The following DLGAP3 variants were observed in gnomAD, a reference collection of about 807,000 sequenced individuals.
DLGAP3 encodes the protein DLG associated protein 3, also known as disks large-associated protein 3.
In DLGAP3, 17 loss-of-function variants were observed where a neutral mutation model predicts 81.2. The ratio of observed to expected loss-of-function variants is 0.21; its 90% CI spans 0.14 to 0.31. DLGAP3 has a LOEUF of 0.31. Ranked by LOEUF, DLGAP3 falls within the 10% of genes least tolerant of loss-of-function variation. The pLI is 1.00. For synonymous variants in DLGAP3, 577 were observed against 587.4 expected, an observed-to-expected ratio of 0.98 and a Z score of 0.26; for missense variants, 1,124 against 1,388.0, an observed-to-expected ratio of 0.81 and a Z score of 3.02.
chr1:34,915,375 G>A (rs1355727576), intron 1 of DLGAP3, among the ~76,000 whole-genome samples: 1 of 152,152 alleles, frequency 6.6e-6, no homozygotes, highest in Non-Finnish European at 1.5e-5. Flanking sequence ...CTCTACACCT[G>A]AGCCTGCCAG....
intron 2 of DLGAP3, among the ~76,000 whole-genome samples, chr1:34,906,016 T>TTTTA (rs60469155): frequency 0.38 from 24,932 of 64,826 alleles, 5,352 homozygotes; most frequent in Non-Finnish European, 0.44. Flanking sequence ...GCCTCTAAAT[T>TTTTA]TATATATATA....
chr1:34,895,913 C>T lies in DLGAP3; in HGVS notation c.1386+3756G>A, dbSNP rs983182400. ...AAAGCTGGACCCCTAACTTGAATCA[C>T]ACATACACACACACACACACACACA... On this transcript the variant is annotated intron_variant, in intron 5 of 11. Transcript: ENST00000373347. This position sits in a 1 kb window ranked among gnomAD's most constrained non-coding sequence, Gnocchi z 4.5. Among the ~76,000 whole-genome samples, 3 of 127,114 alleles carry T rather than the reference C, an allele frequency of 2.4e-5. No individual in the cohort carries two copies. In the Admixed American group the frequency reaches 2.5e-4, roughly 11 times the overall value. 83.4% of individuals were successfully genotyped at this position (127,114 alleles called of 152,430 possible).
chr1:34,890,528 T>C (rs1639295699), intron 5 of DLGAP3, among the ~76,000 whole-genome samples: 2 of 152,252 alleles, frequency 1.3e-5, no homozygotes, highest in Admixed American at 6.5e-5. Flanking sequence ...AAACAGACTG[T>C]GGCTTCCATC....
At chr1:34,880,594 G>T (rs1398507084) in intron 8 of DLGAP3, among the ~76,000 whole-genome samples, 2 of 151,970 alleles carry the variant, frequency 1.3e-5, no homozygotes, top group African/African-American at 4.8e-5. Context: ...AGCCGGGCAT[G>T]GTGGCAGATG....
At chr1:34,890,410 AC>A (rs1639294323) in intron 5 of DLGAP3, among the ~76,000 whole-genome samples, 1 of 152,150 alleles carries the variant, frequency 6.6e-6, no homozygotes, top group Non-Finnish European at 1.5e-5. Context: ...TGGAACTCAC[AC>A]CCTTGTGTAA....
chr1:34,885,944 T>C, intron 6 of DLGAP3, 128 bp downstream of exon 6: 1 of 1,174,626 alleles, frequency 8.5e-7, no homozygotes, highest in Non-Finnish European at 1.2e-6. Flanking sequence ...ACGGACGCTC[T>C]CCCCGTCATC....
chr1:34,907,167 T>G (rs151219113), intron 2 of DLGAP3, among the ~76,000 whole-genome samples, 188 bp downstream of exon 2: 35 of 152,280 alleles, frequency 2.3e-4, no homozygotes, highest in Admixed American at 4.6e-4. Flanking sequence ...TACCTGATAT[T>G]CTCTAATCTT....
chr1:34,909,043 A>T (rs1413463256), intron 1 of DLGAP3, among the ~76,000 whole-genome samples: 1 of 152,222 alleles, frequency 6.6e-6, no homozygotes. Flanking sequence ...GGCAGGACCC[A>T]TATCTGAGAC....
Position 34,866,301 on chromosome 1 carries a change from C to A in DLGAP3, c.2722G>T (p.Glu908Ter). 6.6e-7 allele frequency: 1 copy of A among 1,520,018 alleles called. No homozygotes were observed. Among genetic ancestry groups the A allele is most frequent in the East Asian group, 2.5e-5 (1 of 40,454 alleles). The allele number at this position is 1,520,018 out of a possible 1,614,324, so 94.2% of individuals were successfully genotyped here. A position where few individuals can be genotyped will look rare whatever the true frequency, so the allele number is the denominator to read the frequency against. The change falls in exon 12 of 12, where the codon GAG (glutamate) becomes TAG (stop). Residue 908 changes from glutamate (E) to a stop codon, truncating the protein, a stop_gained and splice_region_variant. Transcript: ENST00000373347. LOFTEE classifies it high-confidence loss of function. The stretch of plus-strand genomic sequence containing the variant: ...ATCGGCGGAGGGACCTTCTTCTCCT[C>A]CTGCGGGGCAGAGGGCGTCGCTGAG... ...ANSWKLLEPK[E>*]EKKVPPPIPK...
chr1:34,867,654 G>A lies in DLGAP3; in HGVS notation c.2486-27C>T, dbSNP rs57077677. The stretch of plus-strand genomic sequence containing the variant: ...TAGAAAGCAGAAGGAAATTCAGGGA[G>A]GGAAATGATGCATCTCCTTCCCCAG... On this transcript the variant is annotated intron_variant, in intron 9 of 11. Transcript: ENST00000373347. The surrounding 1 kb of genome is among the most constrained non-coding windows in gnomAD (Gnocchi z 4.3). The A allele has an allele frequency of 2.6e-6, 4 of 1,552,920 alleles. No homozygotes were observed. The highest frequency in any genetic ancestry group is 3.3e-5 in the Admixed American group (2 of 59,914).
intron 8 of DLGAP3, among the ~76,000 whole-genome samples, chr1:34,870,368 C>G (rs763023154): frequency 4.2e-4 from 64 of 152,124 alleles, no homozygotes; most frequent in Non-Finnish European, 8.8e-4. Flanking sequence ...AAAGAAAAGC[C>G]TGTGTGTCCT....
chr1:34,894,993 A>G (rs1399408752), intron 5 of DLGAP3, among the ~76,000 whole-genome samples: 3 of 152,234 alleles, frequency 2.0e-5, no homozygotes, highest in Non-Finnish European at 4.4e-5. Context: ...TCATTATTCC[A>G]TATTGTATTC....
intron 5 of DLGAP3, among the ~76,000 whole-genome samples, chr1:34,890,039 T>G (rs1353364411): frequency 6.6e-6 from 1 of 152,086 alleles, no homozygotes; most frequent in East Asian, 1.9e-4. Context: ...AAATGTAGAC[T>G]AGAATAAAAA....
intron 8 of DLGAP3, among the ~76,000 whole-genome samples, chr1:34,879,730 T>C (rs1016493968): frequency 3.3e-5 from 5 of 152,058 alleles, no homozygotes; most frequent in African/African-American, 1.2e-4. Context: ...AAAAGGAAAT[T>C]ACGACAAAAG....
rs1221643580 is a variant in DLGAP3, at chr1:34,902,534, T to C, written c.1107+1743A>G. ...CTGGCCTCATGGGGCCAGCCTCCCCTGCTTTTGTACCAGGGGAGTGCGAGG... is the reference window on the plus strand; with the variant it reads ...CTGGCCTCATGGGGCCAGCCTCCCCCGCTTTTGTACCAGGGGAGTGCGAGG... On this transcript the variant is annotated intron_variant, in intron 3 of 11. Transcript: ENST00000373347. This position sits in a 1 kb window ranked among gnomAD's most constrained non-coding sequence, Gnocchi z 4.4. Among the ~76,000 whole-genome samples, 1 of 152,086 alleles carries C rather than the reference T, an allele frequency of 6.6e-6. No homozygotes were observed. Among genetic ancestry groups the C allele is most frequent in the Non-Finnish European group, 1.5e-5 (1 of 68,002 alleles).
intron 1 of DLGAP3, among the ~76,000 whole-genome samples, chr1:34,913,461 A>T (rs1259630287): frequency 6.6e-6 from 1 of 152,178 alleles, no homozygotes; most frequent in East Asian, 1.9e-4. Context: ...CGGAAGAGAC[A>T]GAGAGGCCTA....
At position 34,885,653 on chromosome 1, in the gene DLGAP3, C is replaced by T. The variant is rs773856088; in HGVS notation, c.1739G>A (p.Ser580Asn). 1.4e-5 allele frequency: 20 copies of T among 1,439,026 alleles called. No homozygotes were observed. The highest frequency in any genetic ancestry group is 1.8e-5 in the Non-Finnish European group (20 of 1,104,560). The allele number at this position is 1,439,026 out of a possible 1,614,324, so 89.1% of individuals were successfully genotyped here. A position where few individuals can be genotyped will look rare whatever the true frequency, so the allele number is the denominator to read the frequency against. The change falls in exon 7 of 12, where the codon AGC (serine) becomes AAC (asparagine). Residue 580 changes from serine to asparagine, a missense_variant. Ser to Asn is a conservative substitution (Grantham distance 46). Coordinates refer to ENST00000373347, the MANE Select transcript of DLGAP3 (RefSeq NM_001080418.3). Reference protein sequence around the residue: ...TAAEGPARRCSSADGLDGPAM... With the variant: ...TAAEGPARRCNSADGLDGPAM... ...GGGGCCGTCCAGCCCGTCGGCGGAG[C>T]TGCAGCGCCGGGCGGGGCCCTCGGC... is the stretch of plus-strand genomic sequence containing the variant.
At chr1:34,893,804 T>C (rs1010976373) in intron 5 of DLGAP3, among the ~76,000 whole-genome samples, 1 of 152,206 alleles carries the variant, frequency 6.6e-6, no homozygotes, top group African/African-American at 2.4e-5. Flanking sequence ...TACACTAAAA[T>C]ATTTATTGAT....
chr1:34,914,107 T>C (rs1027190531), intron 1 of DLGAP3, among the ~76,000 whole-genome samples: 1 of 152,130 alleles, frequency 6.6e-6, no homozygotes, highest in African/African-American at 2.4e-5. Flanking sequence ...CAGCCCCACA[T>C]AGGTCTCTTC....
Sources: gnomAD v4.1 joint callset for allele counts (sites outside exome capture counted in the v4.1 genomes callset) on GRCh38, gnomAD v4.1.1 for gene constraint, Gnocchi (gnomAD v3.1) non-coding constraint, MANE v1.5 for transcripts, NCBI Gene and HGNC (gene_info 2026-07-23, HGNC 2026-07-21) for gene names.